Variants in TBCD observed in about 807,000 individuals in gnomAD.
The protein encoded by TBCD is tubulin folding cofactor D, also known as tubulin-specific chaperone D.
In TBCD, 105 loss-of-function variants were observed where a neutral mutation model predicts 169.3. The observed-to-expected ratio is 0.62, with a 90% CI of 0.53 to 0.73. TBCD has a LOEUF of 0.73. Ranked by LOEUF, TBCD falls within the 30% of genes least tolerant of loss-of-function variation. The pLI is 0.00. For synonymous variants in TBCD, 700 were observed against 643.9 expected, an observed-to-expected ratio of 1.09 and a Z score of -1.32; for missense variants, 1,444 against 1,600.1, an observed-to-expected ratio of 0.90 and a Z score of 1.66.
intron 13 of TBCD, among the ~76,000 whole-genome samples, chr17:82,846,261 C>CGGCG (rs2055055119): frequency 6.8e-6 from 1 of 146,366 alleles, no homozygotes; most frequent in African/African-American, 2.5e-5. Flanking sequence ...GCGCTGCGTC[C>CGGCG]TCTGTGCTGT....
chr17:82,899,449 C>T (rs1344636646), intron 17 of TBCD, among the ~76,000 whole-genome samples: 3 of 149,808 alleles, frequency 2.0e-5, no homozygotes, highest in Admixed American at 1.3e-4. Flanking sequence ...GCCTGGGGCC[C>T]GTCCTCAGCG....
chr17:82,792,011 A>G (rs942820731), intron 7 of TBCD, among the ~76,000 whole-genome samples: 1 of 152,236 alleles, frequency 6.6e-6, no homozygotes, highest in Non-Finnish European at 1.5e-5. Flanking sequence ...GAAAAGGTAC[A>G]GTAAAAATAT....
intron 13 of TBCD, among the ~76,000 whole-genome samples, chr17:82,845,377 C>T (rs989452843): frequency 4.0e-5 from 6 of 151,216 alleles, no homozygotes; most frequent in South Asian, 2.1e-4. Context: ...CTGTCTGGCT[C>T]GGCCCCTTCC....
At chr17:82,855,029 C>T (rs149159311) in intron 13 of TBCD, among the ~76,000 whole-genome samples, 90 of 152,132 alleles carry the variant, frequency 5.9e-4, no homozygotes, top group Non-Finnish European at 1.1e-3. Context: ...AGCATTGGGG[C>T]GTCGCATCTC....
chr17:82,856,217 A>G (rs561518354), intron 13 of TBCD, among the ~76,000 whole-genome samples: 1 of 151,902 alleles, frequency 6.6e-6, no homozygotes, highest in African/African-American at 2.4e-5. Flanking sequence ...TTAAAATCAT[A>G]TGGTAGAATT....
At position 82,752,141 on chromosome 17, in the gene TBCD, G is replaced by T. The variant is rs770452916; in HGVS notation, c.-53G>T. ...TCATCCCTGGCTTTCGCGCTCTAGC[G>T]GAGTGGGATCTGCGAACACGTGAGG... On this transcript the variant is annotated 5_prime_UTR_variant, in exon 1 of 39. Coordinates refer to ENST00000355528, the MANE Select transcript of TBCD (RefSeq NM_005993.5). 3.0e-5 allele frequency: 44 copies of T among 1,456,870 alleles called. No homozygotes were observed. The highest frequency in any genetic ancestry group is 3.4e-5 in the Non-Finnish European group (38 of 1,107,476). The allele number at this position is 1,456,870 out of a possible 1,614,324, so 90.2% of individuals were successfully genotyped here. A position where few individuals can be genotyped will look rare whatever the true frequency, so the allele number is the denominator to read the frequency against.
At chr17:82,934,213 C>T (rs1164587757) in intron 34 of TBCD, among the ~76,000 whole-genome samples, 2 of 152,244 alleles carry the variant, frequency 1.3e-5, no homozygotes, top group Admixed American at 6.5e-5. Flanking sequence ...ACGGGCTTCC[C>T]GCTGGAGTCT....
At chr17:82,826,961 G>A (rs905640689) in intron 13 of TBCD, among the ~76,000 whole-genome samples, 1 of 152,082 alleles carries the variant, frequency 6.6e-6, no homozygotes, top group African/African-American at 2.4e-5. Context: ...ATTAGAGACG[G>A]TGTTTTTCCA....
At chr17:82,787,136 C>T (rs2049374935) in intron 7 of TBCD, among the ~76,000 whole-genome samples, 1 of 152,162 alleles carries the variant, frequency 6.6e-6, no homozygotes, top group Admixed American at 6.5e-5. Context: ...TTCTCAAAGG[C>T]TTAGGAGAGC....
At position 82,920,353 on chromosome 17, in the gene TBCD, C is replaced by T. The variant is rs1346182293; in HGVS notation, c.2039-203C>T. The T allele has an allele frequency of 9.9e-6, 6 of 607,102 alleles. No homozygotes were observed. The highest frequency in any genetic ancestry group is 1.7e-5 in the Non-Finnish European group (6 of 345,978). 37.6% of individuals were successfully genotyped at this position (607,102 alleles called of 1,614,324 possible). A position where few individuals can be genotyped will look rare whatever the true frequency, so the allele number is the denominator to read the frequency against. ...GGTCTGCAGCACTTTCTTCAGGCTG[C>T]TCAGCGGAGGAGGCGTCTTGGGCTT... On this transcript the variant is annotated intron_variant, in intron 23 of 38. Transcript: ENST00000355528. This position sits in a 1 kb window ranked among gnomAD's most constrained non-coding sequence, Gnocchi z 4.1.
intron 13 of TBCD, among the ~76,000 whole-genome samples, chr17:82,863,603 C>T (rs376186427): frequency 6.6e-6 from 1 of 152,116 alleles, no homozygotes; most frequent in Non-Finnish European, 1.5e-5. Context: ...GGTTAGTGCT[C>T]GGGACGCAGC....
In TBCD at chr17:82,838,389, G is replaced by A. The variant is rs538750398; in HGVS notation, c.1318+23455G>A. On this transcript the variant is annotated intron_variant, in intron 13 of 38. Transcript: ENST00000355528. Reference sequence around the variant, plus strand: ...GGAAGTAATTACAGTTTAACTTTATGGGACGTTTCTGTGACAGGCTGGGTA... The same window carrying A: ...GGAAGTAATTACAGTTTAACTTTATAGGACGTTTCTGTGACAGGCTGGGTA... Among the ~76,000 whole-genome samples, 150 of 152,174 alleles carry A rather than the reference G, an allele frequency of 9.9e-4. 5 individuals carry two copies. In the South Asian group the frequency reaches 0.03, roughly 30 times the overall value.
chr17:82,930,451 G>A lies in TBCD; in HGVS notation c.2992-71G>A. The A allele has an allele frequency of 1.3e-6, 2 of 1,566,742 alleles. No homozygotes were observed. Among genetic ancestry groups the A allele is most frequent in the South Asian group, 1.2e-5 (1 of 85,788 alleles). On this transcript the variant is annotated intron_variant, in intron 32 of 38. Coordinates refer to ENST00000355528, the MANE Select transcript of TBCD (RefSeq NM_005993.5). This position sits in a 1 kb window ranked among gnomAD's most constrained non-coding sequence, Gnocchi z 5.2. ...TCTGCTCTTCAGCAGATGCTTGACC[G>A]GCTGTAGCCAAGCCTGAGGGGTGGC...
intron 30 of TBCD, among the ~76,000 whole-genome samples, chr17:82,928,808 C>G: frequency 6.6e-6 from 1 of 151,850 alleles, no homozygotes. Context: ...TATTTGTTGT[C>G]CCTGCTTCAA....
At chr17:82,825,323 T>G (rs1470935906) in intron 13 of TBCD, among the ~76,000 whole-genome samples, 2 of 152,082 alleles carry the variant, frequency 1.3e-5, no homozygotes, top group South Asian at 2.1e-4. Flanking sequence ...GTCTGCAGGG[T>G]GTGAGGCTTT....
intron 2 of TBCD, 26 bp downstream of exon 2, chr17:82,756,241 A>C: frequency 6.3e-7 from 1 of 1,597,850 alleles, no homozygotes; most frequent in Non-Finnish European, 8.5e-7. Context: ...GCTGATTTTG[A>C]TCATTCAGTT....
intron 13 of TBCD, chr17:82,858,509 C>T (rs1033045505): frequency 9.6e-6 from 9 of 935,888 alleles, no homozygotes; most frequent in South Asian, 1.0e-4. Context: ...ACAGGTACTA[C>T]GGCTGGAGGA....
chr17:82,900,539 T>C, intron 17 of TBCD, 112 bp from the exon 18 acceptor site: 1 of 814,604 alleles, frequency 1.2e-6, no homozygotes, highest in Non-Finnish European at 2.1e-6. Context: ...ACGTGGTAGA[T>C]TTGAAGAAAT....
chr17:82,801,968 C>T (rs1236018622), intron 9 of TBCD, among the ~76,000 whole-genome samples: 6 of 150,360 alleles, frequency 4.0e-5, no homozygotes, highest in Non-Finnish European at 7.4e-5. Flanking sequence ...GCATGTGTGT[C>T]GTGTGGCTCG....
Sources: gnomAD v4.1 joint callset for allele counts (sites outside exome capture counted in the v4.1 genomes callset) on GRCh38, gnomAD v4.1.1 for gene constraint, Gnocchi (gnomAD v3.1) non-coding constraint, MANE v1.5 for transcripts, NCBI Gene and HGNC (gene_info 2026-07-23, HGNC 2026-07-21) for gene names.